Variants in LRP1B observed in about 807,000 individuals in gnomAD.
LRP1B encodes LDL receptor related protein 1B.
LRP1B carries 217 observed loss-of-function variants against 556.6 expected under a neutral mutation model. That is an observed-to-expected ratio of 0.39 (90% CI 0.35 to 0.44). The LOEUF is 0.44. LRP1B is among the 20% of genes least tolerant of loss of function. The probability of loss-of-function intolerance (pLI) is 1.00; values close to 1 mark genes in which losing one functional copy is unlikely to be tolerated. For missense variants in LRP1B, 5,053 were observed against 5,620.8 expected (o/e 0.90, Z 3.23); for synonymous variants, 2,047 against 1,865.8 (o/e 1.10, Z -2.50).
chr2:141,660,714 T>C (rs1020825639), intron 2 of LRP1B, among the ~76,000 whole-genome samples: 2 of 152,078 alleles, frequency 1.3e-5, no homozygotes, highest in African/African-American at 4.8e-5. Flanking sequence ...GCTGCCGTGG[T>C]CTCCACGGAT....
At chr2:141,130,380 A>G (rs927423888) in intron 7 of LRP1B, among the ~76,000 whole-genome samples, 17 of 152,160 alleles carry the variant, frequency 1.1e-4, no homozygotes, top group African/African-American at 3.4e-4. Context: ...TATATTTCAT[A>G]CTATTTATTT....
chr2:140,425,842 T>G (rs1052761585), intron 66 of LRP1B, among the ~76,000 whole-genome samples: 2 of 152,202 alleles, frequency 1.3e-5, no homozygotes, highest in African/African-American at 4.8e-5. Context: ...TATTTTATAC[T>G]TATGTGATCA....
intron 21 of LRP1B, among the ~76,000 whole-genome samples, chr2:140,915,653 AAAATAAATAAAT>A (rs70991117): frequency 9.6e-4 from 139 of 145,092 alleles, no homozygotes; most frequent in African/African-American, 3.2e-3. Context: ...CTTTGTCTCA[AAAATAAATAAAT>A]AAATAAATAA....
intron 82 of LRP1B, among the ~76,000 whole-genome samples, chr2:140,317,467 A>C (rs1573779824): frequency 6.6e-6 from 1 of 151,026 alleles, no homozygotes; most frequent in East Asian, 1.9e-4. Flanking sequence ...CAGGACAATT[A>C]GGTGGGAACA....
chr2:141,312,445 T>C (rs889666036), intron 3 of LRP1B, among the ~76,000 whole-genome samples: 1 of 152,208 alleles, frequency 6.6e-6, no homozygotes, highest in Non-Finnish European at 1.5e-5. Flanking sequence ...ACTGTTTATG[T>C]GATTGGTATG....
intron 2 of LRP1B, among the ~76,000 whole-genome samples, chr2:141,678,324 G>A (rs1279386819): frequency 6.6e-6 from 1 of 151,988 alleles, no homozygotes; most frequent in Non-Finnish European, 1.5e-5. Flanking sequence ...CTGTCAAATA[G>A]CCATAATATA....
Position 142,130,657 on chromosome 2 carries a change from C to A in LRP1B, c.73G>T (p.Ala25Ser), listed in dbSNP as rs1358245197. The A allele has an allele frequency of 1.2e-6, 2 of 1,611,800 alleles. No homozygotes were observed. The highest frequency in any genetic ancestry group is 1.7e-6 in the Non-Finnish European group (2 of 1,178,650). The change falls in exon 1 of 91, where the codon GCC (alanine) becomes TCC (serine). Residue 25 changes from alanine to serine, a missense_variant. This residue lies in a region of LRP1B where 3,619 missense variants were observed against 3,931.9 expected (regional missense o/e 0.92). Coordinates refer to ENST00000389484, the MANE Select transcript of LRP1B (RefSeq NM_018557.3). ...GAGGTGTTCTCCTTACCTCGGTCGG[C>A]TCCCACGGTCAGCACCCTGGCAATC... ...LPIARVLTVGADRDQQLCDPG... is the reference protein window; with the variant it reads ...LPIARVLTVGSDRDQQLCDPG...
intron 79 of LRP1B, among the ~76,000 whole-genome samples, chr2:140,326,345 TATTTA>T (rs1457512469): frequency 2.0e-5 from 3 of 152,198 alleles, no homozygotes; most frequent in Admixed American, 1.3e-4. Flanking sequence ...AAGGTTCATG[TATTTA>T]ATTAAAATAT....
intron 32 of LRP1B, among the ~76,000 whole-genome samples, chr2:140,794,630 T>C (rs75648058): frequency 6.6e-6 from 1 of 151,844 alleles, no homozygotes; most frequent in Non-Finnish European, 1.5e-5. Flanking sequence ...TTTTTTTTTT[T>C]GAGACAGAGT....
At chr2:141,173,816 A>G (rs990824941) in intron 7 of LRP1B, among the ~76,000 whole-genome samples, 1 of 152,062 alleles carries the variant, frequency 6.6e-6, no homozygotes, top group African/African-American at 2.4e-5. Flanking sequence ...ACTGCAATTA[A>G]GTTTGCTCTT....
chr2:141,881,508 C>A (rs999017687), intron 1 of LRP1B, among the ~76,000 whole-genome samples: 1 of 151,964 alleles, frequency 6.6e-6, no homozygotes, highest in Non-Finnish European at 1.5e-5. Context: ...GGGGAGTAGG[C>A]ATGGAGTTTG....
intron 3 of LRP1B, among the ~76,000 whole-genome samples, chr2:141,375,094 T>C (rs1019848942): frequency 6.6e-6 from 1 of 152,146 alleles, no homozygotes; most frequent in African/African-American, 2.4e-5. Context: ...GCTTTGATTT[T>C]GGGTGCCTGT....
At chr2:141,155,468 T>A (rs935502296) in intron 7 of LRP1B, among the ~76,000 whole-genome samples, 1 of 115,914 alleles carries the variant, frequency 8.6e-6, no homozygotes, top group Non-Finnish European at 2.3e-5. Flanking sequence ...TTTATTTTAT[T>A]TTTTTCTTTT....
At chr2:140,728,074 A>G (rs533081958) in intron 35 of LRP1B, among the ~76,000 whole-genome samples, 1 of 152,268 alleles carries the variant, frequency 6.6e-6, no homozygotes, top group African/African-American at 2.4e-5. Context: ...TCTCTTTTAA[A>G]TTACTATTTT....
At chr2:141,269,534 G>C (rs780046626) in intron 3 of LRP1B, among the ~76,000 whole-genome samples, 4 of 152,066 alleles carry the variant, frequency 2.6e-5, no homozygotes, top group Admixed American at 6.6e-5. Context: ...GTCAACACAG[G>C]GTAATTGTGA....
chr2:140,685,755 T>G (rs969094974), intron 41 of LRP1B, among the ~76,000 whole-genome samples: 3 of 152,150 alleles, frequency 2.0e-5, no homozygotes, highest in Admixed American at 6.5e-5. Context: ...TTTTTAAAAT[T>G]ATCTACTAAG....
Position 140,776,163 on chromosome 2 carries a change from G to T in LRP1B, c.5435C>A (p.Thr1812Asn), listed in dbSNP as rs770840468. ...CCCAGAAGTCTTATTCCGTAGGATG[G>T]TGGGGTTTCTTCCGTCTCTTTTGCT... is the stretch of plus-strand genomic sequence containing the variant. ...TCSKRDGRNP[T>N]ILRNKTSGVV... The change falls in exon 33 of 91, where the codon ACC becomes AAC. Residue 1812 changes from threonine (T) to asparagine (N), a missense_variant. This residue lies in a region of LRP1B where 3,619 missense variants were observed against 3,931.9 expected (regional missense o/e 0.92). Coordinates refer to ENST00000389484, the MANE Select transcript of LRP1B (RefSeq NM_018557.3). 2 of 1,597,374 alleles carry T rather than the reference G, an allele frequency of 1.3e-6. No individual in the cohort carries two copies. Among genetic ancestry groups the T allele is most frequent in the Admixed American group, 3.5e-5 (2 of 56,956 alleles).
chr2:140,321,832 G>A (rs191870589), intron 82 of LRP1B, 131 bp downstream of exon 82: 6 of 803,018 alleles, frequency 7.5e-6, no homozygotes, highest in South Asian at 3.6e-5. Context: ...GTTTACACAG[G>A]CATTCAAGAA....
At chr2:140,855,898 AT>A (rs1008310565) in intron 27 of LRP1B, among the ~76,000 whole-genome samples, 1 of 152,056 alleles carries the variant, frequency 6.6e-6, no homozygotes, top group African/African-American at 2.4e-5. Context: ...ACTCCAAAGC[AT>A]TTTTTTATTT....
Sources: allele counts gnomAD v4.1 joint callset (sites outside exome capture counted in the v4.1 genomes callset), GRCh38; gene constraint gnomAD v4.1.1; regional missense constraint gnomAD v4.1.1; transcripts MANE v1.5; gene names NCBI Gene and HGNC (gene_info 2026-07-23, HGNC 2026-07-21).